Variants in SYTL5 observed in about 807,000 individuals in gnomAD.
SYTL5 encodes the protein synaptotagmin like 5.
In SYTL5, 34 loss-of-function variants were observed where a neutral mutation model predicts 55.9. That is an observed-to-expected ratio of 0.61 (90% CI 0.46 to 0.81). The LOEUF (loss-of-function observed/expected upper bound fraction) is 0.81. Ranked by LOEUF, SYTL5 falls within the 30% of genes least tolerant of loss-of-function variation. The pLI, the probability that SYTL5 is intolerant of heterozygous loss-of-function variation, is 0.00. For synonymous variants in SYTL5, 221 were observed against 188.7 expected (o/e 1.17, Z -1.40); for missense variants, 637 against 546.7 (o/e 1.17, Z -1.65).
chrX:38,073,730 A>G (rs1168702561), intron 5 of SYTL5, 32 bp downstream of exon 5: 1 of 1,028,991 alleles, frequency 9.7e-7, no homozygotes, highest in Non-Finnish European at 1.3e-6. Context: ...GGAATTTTTG[A>G]TCTTTATTCC....
intron 9 of SYTL5, among the ~76,000 whole-genome samples, chrX:38,096,686 T>A (rs971856671): frequency 6.3e-5 from 7 of 111,523 alleles, no homozygotes; most frequent in African/African-American, 2.3e-4. Flanking sequence ...ATGAGAAGGT[T>A]AAATTAGATT....
chrX:37,968,459 G>T, the SYTL5 span, among the ~76,000 whole-genome samples: 1 of 111,501 alleles, frequency 9.0e-6, no homozygotes, highest in African/African-American at 3.3e-5. Flanking sequence ...GACCTATGAG[G>T]ATAGCAGATT....
chrX:38,080,793 A>T, intron 6 of SYTL5, among the ~76,000 whole-genome samples: 1 of 111,829 alleles, frequency 8.9e-6, no homozygotes, highest in Non-Finnish European at 1.9e-5. Context: ...TCCTGTCCTG[A>T]ATGTAATTTT....
At chrX:38,119,274 A>T (rs1012477166) in intron 13 of SYTL5, among the ~76,000 whole-genome samples, 2 of 111,473 alleles carry the variant, frequency 1.8e-5, no homozygotes, top group Admixed American at 1.9e-4. Context: ...CAGTCAAGGT[A>T]CAGAACAGTT....
chrX:38,107,228 T>A (rs1427662994), intron 11 of SYTL5, among the ~76,000 whole-genome samples: 2 of 111,227 alleles, frequency 1.8e-5, no homozygotes, highest in African/African-American at 6.6e-5. Flanking sequence ...AAGCTAGATA[T>A]AAAGGTGTGT....
intron 1 of SYTL5, among the ~76,000 whole-genome samples, chrX:38,007,466 G>GTATGCCTGGAGAAAAGCA (rs1160147860): frequency 3.6e-5 from 4 of 111,280 alleles, no homozygotes; most frequent in East Asian, 2.8e-4. Context: ...AAGTATATGT[G>GTATGCCTGGAGAAAAGCA]TATGCCTGGA....
chrX:38,106,380 C>A (rs745951666), intron 10 of SYTL5, among the ~76,000 whole-genome samples: 1 of 111,974 alleles, frequency 8.9e-6, no homozygotes, highest in African/African-American at 3.2e-5. Flanking sequence ...AAATTTTCTG[C>A]CTTTTTTCCT....
At position 38,127,506 on chromosome X, in the gene SYTL5, T is replaced by C. The variant is rs1289455130; in HGVS notation, c.*776T>C. 8.9e-6 allele frequency: 1 copy of C among 111,896 alleles called. No individual in the cohort carries two copies. The highest frequency in any genetic ancestry group is 3.2e-5 in the African/African-American group (1 of 30,774). 9.2% of individuals were successfully genotyped at this position (111,896 alleles called of 1,213,427 possible). The stretch of plus-strand genomic sequence containing the variant: ...AATGAGATATAATGGTCAATTGATA[T>C]ACCTTTTCACATTGTGTTCACTGAC... On this transcript the variant is annotated 3_prime_UTR_variant, in exon 17 of 17. Coordinates refer to ENST00000297875, the MANE Select transcript of SYTL5 (RefSeq NM_138780.3).
intron 1 of SYTL5, among the ~76,000 whole-genome samples, chrX:38,020,171 G>A (rs766277749): frequency 9.1e-6 from 1 of 109,977 alleles, no homozygotes; most frequent in Admixed American, 9.7e-5. Flanking sequence ...GTGGATATAT[G>A]CATTGTGCAT....
intron 14 of SYTL5, among the ~76,000 whole-genome samples, chrX:38,121,366 C>G (rs1195210660): frequency 8.9e-6 from 1 of 111,797 alleles, no homozygotes; most frequent in African/African-American, 3.3e-5. Context: ...CTCTGTCCTC[C>G]CATTCACTAT....
chrX:38,025,587 A>G (rs1934739824), intron 1 of SYTL5, among the ~76,000 whole-genome samples: 1 of 112,339 alleles, frequency 8.9e-6, no homozygotes, highest in South Asian at 3.7e-4. Flanking sequence ...GTTACTGGCC[A>G]CAGAGGGAAA....
At chrX:37,917,750 A>G in the SYTL5 span, among the ~76,000 whole-genome samples, 2 of 111,843 alleles carry the variant, frequency 1.8e-5, no homozygotes, top group African/African-American at 6.5e-5. Flanking sequence ...CAATGCATTT[A>G]TTAGCAAATA....
chrX:38,078,386 G>A (rs765048559), intron 6 of SYTL5, among the ~76,000 whole-genome samples: 19 of 109,242 alleles, frequency 1.7e-4, no homozygotes, highest in African/African-American at 2.7e-4. Context: ...TCAGCCTCCC[G>A]AGTAGCTGGA....
the SYTL5 span, among the ~76,000 whole-genome samples, chrX:37,889,392 G>A: frequency 9.3e-6 from 1 of 107,340 alleles, no homozygotes; most frequent in East Asian, 2.8e-4. Context: ...GTTGGTATCA[G>A]TCTACTAAAC....
chrX:38,107,964 C>T (rs760391186), intron 11 of SYTL5, among the ~76,000 whole-genome samples: 1 of 112,294 alleles, frequency 8.9e-6, no homozygotes, highest in African/African-American at 3.2e-5. Flanking sequence ...TGCTGTGATA[C>T]CCTGCTTCAA....
chrX:37,993,596 A>G, the SYTL5 span, among the ~76,000 whole-genome samples: 20 of 112,854 alleles, frequency 1.8e-4, no homozygotes, highest in Non-Finnish European at 3.6e-4. Context: ...ATTATAAGCC[A>G]TTCAAAAGGG....
chrX:38,113,409 G>T (rs1169285498), intron 13 of SYTL5, among the ~76,000 whole-genome samples: 1 of 111,863 alleles, frequency 8.9e-6, no homozygotes, highest in African/African-American at 3.3e-5. Flanking sequence ...TAGATTAAAG[G>T]CTCTCTCTTT....
chrX:38,020,451 T>TA (rs1934515753), intron 1 of SYTL5, among the ~76,000 whole-genome samples: 1 of 81,768 alleles, frequency 1.2e-5, no homozygotes, highest in Non-Finnish European at 2.4e-5. Flanking sequence ...ATATATATAT[T>TA]TCTTTTAATA....
chrX:38,118,291 A>G (rs778214932), intron 13 of SYTL5, among the ~76,000 whole-genome samples: 2 of 112,298 alleles, frequency 1.8e-5, no homozygotes, highest in Admixed American at 9.4e-5. Flanking sequence ...AAGAAAAGGG[A>G]AAGTCAGGCA....
Sources: gnomAD v4.1 joint callset for allele counts (sites outside exome capture counted in the v4.1 genomes callset) on GRCh38, gnomAD v4.1.1 for gene constraint, MANE v1.5 for transcripts, NCBI Gene and HGNC (gene_info 2026-07-23, HGNC 2026-07-21) for gene names.